PCOLCE2: variants seen among roughly 807,000 people sequenced by gnomAD.
The protein encoded by PCOLCE2 is procollagen C-endopeptidase enhancer 2, also known as procollagen C-proteinase enhancer 2.
A neutral mutation model predicts 47.0 loss-of-function variants in PCOLCE2; 42 were observed. The ratio of observed to expected loss-of-function variants is 0.89; its 90% confidence interval spans 0.70 to 1.16. The LOEUF (loss-of-function observed/expected upper bound fraction) is 1.16, where lower values mean the gene tolerates loss of function less well. Among genes scored for constraint, PCOLCE2 ranks in the 50% most tolerant of loss-of-function variants. PCOLCE2 has a pLI of 0.00. For synonymous variants in PCOLCE2, 169 were observed against 191.7 expected (o/e 0.88, Z 0.98); for missense variants, 500 against 526.1 (o/e 0.95, Z 0.49).
At chr3:142,860,301 C>T (rs1933153894) in intron 2 of PCOLCE2, among the ~76,000 whole-genome samples, 1 of 152,122 alleles carries the variant, frequency 6.6e-6, no homozygotes, top group Admixed American at 6.5e-5. Flanking sequence ...CCCCCTATTC[C>T]TCTGTCAAAA....
intron 2 of PCOLCE2, among the ~76,000 whole-genome samples, chr3:142,886,224 C>T (rs897827477): frequency 4.6e-5 from 7 of 152,154 alleles, no homozygotes; most frequent in African/African-American, 1.7e-4. Context: ...CTGGACGTGC[C>T]CCCCAACCCC....
chr3:142,820,846 G>T (rs1174671811), intron 8 of PCOLCE2, 32 bp downstream of exon 8: 5 of 1,574,502 alleles, frequency 3.2e-6, no homozygotes, highest in Non-Finnish European at 3.5e-6. Context: ...TCCATGGCTT[G>T]CTCAGAGACA....
At chr3:142,870,065 T>C (rs1038738711) in intron 2 of PCOLCE2, among the ~76,000 whole-genome samples, 1 of 152,248 alleles carries the variant, frequency 6.6e-6, no homozygotes, top group Non-Finnish European at 1.5e-5. Context: ...TGAGGGATAA[T>C]TTTAACATAT....
chr3:142,850,525 A>G (rs1937377928), intron 2 of PCOLCE2, among the ~76,000 whole-genome samples: 1 of 152,192 alleles, frequency 6.6e-6, no homozygotes, highest in African/African-American at 2.4e-5. Context: ...GGAGGCAACC[A>G]AAGTGTGTGG....
intron 5 of PCOLCE2, among the ~76,000 whole-genome samples, chr3:142,831,939 A>G (rs1244868885): frequency 6.6e-6 from 1 of 152,214 alleles, no homozygotes; most frequent in South Asian, 2.1e-4. Context: ...CAGTGCCACA[A>G]ATGTACTGGG....
chr3:142,827,671 C>T (rs1294657088), intron 6 of PCOLCE2: 104 of 1,379,952 alleles, frequency 7.5e-5, no homozygotes, highest in East Asian at 1.8e-4. Flanking sequence ...TAAACCAGTA[C>T]GGGTCGCGGA....
chr3:142,873,107 T>G (rs1211604857), intron 2 of PCOLCE2, among the ~76,000 whole-genome samples: 1 of 151,968 alleles, frequency 6.6e-6, no homozygotes, highest in Non-Finnish European at 1.5e-5. Flanking sequence ...TAAAAGAAAA[T>G]GTTGGCTGGG....
chr3:142,818,616 T>C, intron 8 of PCOLCE2, 151 bp from the exon 9 acceptor site: 1 of 665,336 alleles, frequency 1.5e-6, no homozygotes, highest in Non-Finnish European at 2.6e-6. Flanking sequence ...GGGTTTCTTG[T>C]TTTTGCTTTT....
At chr3:142,855,608 C>T (rs1237436963) in intron 2 of PCOLCE2, among the ~76,000 whole-genome samples, 3 of 152,150 alleles carry the variant, frequency 2.0e-5, no homozygotes, top group Non-Finnish European at 4.4e-5. Flanking sequence ...TCAGGTCACA[C>T]ATGGAGTCGA....
At chr3:142,820,491 C>T (rs1296211913) in intron 8 of PCOLCE2, among the ~76,000 whole-genome samples, 2 of 152,170 alleles carry the variant, frequency 1.3e-5, no homozygotes, top group Middle Eastern at 3.2e-3. Flanking sequence ...ATTCCCAGAT[C>T]TTGATTCTAG....
At chr3:142,879,863 G>C (rs752999452) in intron 2 of PCOLCE2, among the ~76,000 whole-genome samples, 3 of 151,598 alleles carry the variant, frequency 2.0e-5, no homozygotes, top group Non-Finnish European at 4.4e-5. Context: ...CCCAGCTACT[G>C]GGGAGGCTGA....
intron 2 of PCOLCE2, among the ~76,000 whole-genome samples, chr3:142,877,471 G>A (rs940258697): frequency 1.3e-5 from 2 of 152,136 alleles, no homozygotes; most frequent in African/African-American, 4.8e-5. Flanking sequence ...GACCTGGAAG[G>A]GAGGTTAAAA....
chr3:142,876,511 T>C (rs138357457), intron 2 of PCOLCE2, among the ~76,000 whole-genome samples: 16 of 152,278 alleles, frequency 1.1e-4, no homozygotes, highest in African/African-American at 2.4e-4. Flanking sequence ...AAAATAATAA[T>C]GTACTCTTAT....
At chr3:142,876,528 T>C (rs1228623372) in intron 2 of PCOLCE2, among the ~76,000 whole-genome samples, 1 of 152,220 alleles carries the variant, frequency 6.6e-6, no homozygotes, top group Non-Finnish European at 1.5e-5. Flanking sequence ...TTATTTGTTA[T>C]GGTTCTGTGG....
chr3:142,854,622 A>C (rs1422766573), intron 2 of PCOLCE2, among the ~76,000 whole-genome samples: 2 of 152,172 alleles, frequency 1.3e-5, no homozygotes, highest in African/African-American at 4.8e-5. Flanking sequence ...TCACTAAAAA[A>C]ACTTTACCCC....
In PCOLCE2 at chr3:142,841,457, T is replaced by C. The variant is rs550064880; in HGVS notation, c.573+1467A>G. On this transcript the variant is annotated intron_variant, in intron 4 of 8. Coordinates refer to ENST00000295992, the MANE Select transcript of PCOLCE2 (RefSeq NM_013363.4). ...TGCAAGTATAATTAAGTTGGAATTA[T>C]TTGGTCAAATATATTTACAAATGTC... 9.8e-5 allele frequency among the ~76,000 whole-genome samples: 15 copies of C among 152,356 alleles called. No homozygotes were observed. In the South Asian group the frequency reaches 2.9e-3, roughly 29 times the overall value.
chr3:142,865,291 G>A (rs1179682939), intron 2 of PCOLCE2, among the ~76,000 whole-genome samples: 1 of 151,654 alleles, frequency 6.6e-6, no homozygotes, highest in Non-Finnish European at 1.5e-5. Flanking sequence ...ATCTTCTCTA[G>A]TGAAATGTCT....
intron 2 of PCOLCE2, among the ~76,000 whole-genome samples, chr3:142,864,939 T>G (rs1301876947): frequency 6.6e-6 from 1 of 152,256 alleles, no homozygotes; most frequent in Non-Finnish European, 1.5e-5. Flanking sequence ...TTTTGGCTAT[T>G]ATTAACAATG....
Position 142,842,632 on chromosome 3 carries a change from GTGAGGC to G in PCOLCE2, c.573+286_573+291del, listed in dbSNP as rs921846852. The stretch of plus-strand genomic sequence containing the variant: ...CGCGTGCCTGTAATCTCAGCTACTC[GTGAGGC>G]TGAGGCAGGAGAATCGCTTGAACCC... On this transcript the variant is annotated intron_variant, in intron 4 of 8. Coordinates refer to ENST00000295992, the MANE Select transcript of PCOLCE2 (RefSeq NM_013363.4). This position sits in a 1 kb window ranked among gnomAD's most constrained non-coding sequence, Gnocchi z 4.1. Among the ~76,000 whole-genome samples the G allele has an allele frequency of 1.3e-5, 2 of 151,982 alleles. No homozygotes were observed. The highest frequency in any genetic ancestry group is 4.8e-5 in the African/African-American group (2 of 41,350).
Sources: allele counts gnomAD v4.1 joint callset (sites outside exome capture counted in the v4.1 genomes callset), GRCh38; gene constraint gnomAD v4.1.1; non-coding constraint Gnocchi (gnomAD v3.1); transcripts MANE v1.5; gene names NCBI Gene and HGNC (gene_info 2026-07-23, HGNC 2026-07-21).